The following AK7 variants were observed in gnomAD, a reference collection of about 807,000 sequenced individuals.
AK7 encodes the protein ATP-AMP transphosphorylase 7.
A neutral mutation model predicts 96.6 loss-of-function variants in AK7; 78 were observed. The observed-to-expected ratio is 0.81, with a 90% CI of 0.67 to 0.97. The LOEUF (loss-of-function observed/expected upper bound fraction) is 0.97. Among genes scored for constraint, AK7 ranks in the 50% least tolerant of loss-of-function variants. AK7 has a pLI of 0.00. For synonymous variants in AK7, 302 were observed against 317.2 expected (o/e 0.95, Z 0.51); for missense variants, 855 against 887.9 (o/e 0.96, Z 0.47).
intron 5 of AK7, among the ~76,000 whole-genome samples, chr14:96,427,970 C>CT (rs1335322277): frequency 3.3e-5 from 5 of 151,802 alleles, no homozygotes; most frequent in South Asian, 4.2e-4. Context: ...CCTGTTTACT[C>CT]TTTTTTTTAT....
At chr14:96,448,698 G>A (rs1019876593) in intron 8 of AK7, among the ~76,000 whole-genome samples, 1 of 143,618 alleles carries the variant, frequency 7.0e-6, no homozygotes, top group African/African-American at 2.6e-5. Context: ...ACTCACACCT[G>A]TAATCTCAGC....
chr14:96,440,058 C>A (rs1595415702), intron 6 of AK7, among the ~76,000 whole-genome samples: 1 of 152,332 alleles, frequency 6.6e-6, no homozygotes, highest in South Asian at 2.1e-4. Context: ...TCACTGCAAT[C>A]TCCACCTCCT....
Position 96,420,892 on chromosome 14 carries a change from A to G in AK7, c.569A>G (p.His190Arg), listed in dbSNP as rs766671762. The G allele has an allele frequency of 1.9e-6, 3 of 1,613,400 alleles. No homozygotes were observed. Among genetic ancestry groups the G allele is most frequent in the Non-Finnish European group, 2.5e-6 (3 of 1,179,516 alleles). The change falls in exon 5 of 18, where the codon CAC becomes CGC. Residue 190 changes from histidine to arginine, a missense_variant. By Grantham distance (29) the His-to-Arg change is conservative (BLOSUM62 0). Coordinates refer to ENST00000267584, the MANE Select transcript of AK7 (RefSeq NM_152327.5). Reference protein sequence around the residue: ...RRKSHPNFLDHINAEKMVLKF... With the variant: ...RRKSHPNFLDRINAEKMVLKF... ...AAGTCTCATCCTAATTTTCTGGACC[A>G]CATAAATGCTGAAAAAATGGTTCTC... is the stretch of plus-strand genomic sequence containing the variant.
At chr14:96,457,603 A>G (rs1354751141) in intron 11 of AK7, among the ~76,000 whole-genome samples, 1 of 151,964 alleles carries the variant, frequency 6.6e-6, no homozygotes, top group Admixed American at 6.6e-5. Context: ...GGTTCAAAGT[A>G]TAGCTTGTGT....
chr14:96,421,004 C>T, intron 5 of AK7, 72 bp downstream of exon 5: 1 of 1,071,824 alleles, frequency 9.3e-7, no homozygotes, highest in Non-Finnish European at 1.4e-6. Flanking sequence ...TTTCCTGAGA[C>T]TTACCCCACG....
chr14:96,440,983 T>G (rs1892926735), intron 6 of AK7, among the ~76,000 whole-genome samples: 1 of 151,906 alleles, frequency 6.6e-6, no homozygotes, highest in South Asian at 2.1e-4. Context: ...GGCAACATGG[T>G]GAAACCCTGC....
chr14:96,473,319 T>C (rs1326555068), intron 14 of AK7, among the ~76,000 whole-genome samples: 1 of 151,622 alleles, frequency 6.6e-6, no homozygotes, highest in Non-Finnish European at 1.5e-5. Flanking sequence ...TACAGGCGCC[T>C]ACCACCATGA....
At chr14:96,486,635 T>A (rs552192174) in intron 16 of AK7, among the ~76,000 whole-genome samples, 1 of 149,546 alleles carries the variant, frequency 6.7e-6, no homozygotes, top group Non-Finnish European at 1.5e-5. Flanking sequence ...CTAGTGGCAT[T>A]TCTTTTTTTT....
intron 15 of AK7, among the ~76,000 whole-genome samples, chr14:96,480,516 C>T (rs981328474): frequency 6.6e-6 from 1 of 152,078 alleles, no homozygotes; most frequent in East Asian, 1.9e-4. Context: ...GGGTTTTGTC[C>T]TCATCTGGAC....
intron 5 of AK7, chr14:96,424,159 G>T: frequency 1.6e-6 from 1 of 624,142 alleles, no homozygotes. Flanking sequence ...TGCTGCGGCT[G>T]TTCGTCCACT....
chr14:96,473,718 A>G (rs78384965), intron 14 of AK7, among the ~76,000 whole-genome samples: 6,478 of 152,244 alleles, frequency 0.043, 152 homozygotes, highest in South Asian at 0.064. Context: ...GTTGTCTTCC[A>G]CTGCTCTCTC....
chr14:96,417,579 C>T (rs999124746), intron 4 of AK7, among the ~76,000 whole-genome samples: 4 of 152,218 alleles, frequency 2.6e-5, no homozygotes, highest in Non-Finnish European at 5.9e-5. Flanking sequence ...GCAGTCAACT[C>T]ATTGGTAAAT....
chr14:96,453,101 G>A (rs557676737), intron 10 of AK7, among the ~76,000 whole-genome samples: 7 of 152,096 alleles, frequency 4.6e-5, no homozygotes, highest in South Asian at 4.1e-4. Context: ...CCTTAGAACC[G>A]TATTCTCTTG....
intron 12 of AK7, among the ~76,000 whole-genome samples, chr14:96,468,296 C>CTTTTTT (rs67009492): frequency 6.1e-5 from 6 of 98,560 alleles, no homozygotes; most frequent in South Asian, 3.6e-4. Flanking sequence ...GCACTCTTTC[C>CTTTTTT]TTTTTTTTTT....
chr14:96,458,864 C>G (rs959945757), intron 12 of AK7, among the ~76,000 whole-genome samples: 1 of 131,642 alleles, frequency 7.6e-6, no homozygotes, highest in Non-Finnish European at 1.5e-5. Flanking sequence ...AAGCCATGAT[C>G]ATGCCCTTGC....
chr14:96,397,927 TAAATG>T (rs1264907372), intron 1 of AK7, 143 bp from the exon 2 acceptor site: 1 of 739,466 alleles, frequency 1.4e-6, no homozygotes, highest in Non-Finnish European at 2.2e-6. Context: ...GCAATCAACT[TAAATG>T]AGATGACAGT....
Position 96,489,092 on chromosome 14 carries a change from A to G in AK7, c.*749A>G, listed in dbSNP as rs1215814550. On this transcript the variant is annotated 3_prime_UTR_variant, in exon 18 of 18. Transcript: ENST00000267584. ...TTCCTAGAATTACCCTAAATGAGAAATTAGTTTAGGTTTAATGGCATATGT... is the reference window on the plus strand; with the variant it reads ...TTCCTAGAATTACCCTAAATGAGAAGTTAGTTTAGGTTTAATGGCATATGT... 6.6e-6 allele frequency: 1 copy of G among 152,216 alleles called. No homozygotes were observed. The highest frequency in any genetic ancestry group is 6.5e-5 in the Admixed American group (1 of 15,284). The allele number at this position is 152,216 out of a possible 1,614,324, so 9.4% of individuals were successfully genotyped here.
At chr14:96,447,221 G>A (rs1026171231) in intron 8 of AK7, among the ~76,000 whole-genome samples, 1 of 152,138 alleles carries the variant, frequency 6.6e-6, no homozygotes. Flanking sequence ...ACGAAAATCC[G>A]CCAATAGGCA....
At chr14:96,401,645 T>G (rs1032777248) in intron 2 of AK7, among the ~76,000 whole-genome samples, 1 of 152,052 alleles carries the variant, frequency 6.6e-6, no homozygotes, top group Non-Finnish European at 1.5e-5. Flanking sequence ...GCACATATGC[T>G]CAAATTGGAA....
Sources: allele counts gnomAD v4.1 joint callset (sites outside exome capture counted in the v4.1 genomes callset), GRCh38; gene constraint gnomAD v4.1.1; transcripts MANE v1.5; gene names NCBI Gene and HGNC (gene_info 2026-07-23, HGNC 2026-07-21).